The following ADARB2 variants were observed in gnomAD, a reference collection of about 807,000 sequenced individuals.
ADARB2 encodes the protein adenosine deaminase RNA specific B2 (inactive).
Under a neutral mutation model 62.2 loss-of-function variants are expected in ADARB2, and 25 were observed. The ratio of observed to expected loss-of-function variants is 0.40; its 90% CI spans 0.29 to 0.56. The LOEUF is 0.56. ADARB2 is among the 20% of genes least tolerant of loss of function. ADARB2 has a pLI of 0.43. For missense variants in ADARB2, 1,071 were observed against 1,077.4 expected (o/e 0.99, Z 0.08); for synonymous variants, 572 against 500.8 (o/e 1.14, Z -1.90).
intron 2 of ADARB2, among the ~76,000 whole-genome samples, chr10:1,368,105 GCC>G (rs1832329048): frequency 2.6e-5 from 4 of 152,192 alleles, no homozygotes; most frequent in African/African-American, 9.6e-5. Flanking sequence ...AGAGGCCACA[GCC>G]CAGCGGTGGC....
chr10:1,549,691 A>C (rs1269270161), intron 1 of ADARB2, among the ~76,000 whole-genome samples: 1 of 152,166 alleles, frequency 6.6e-6, no homozygotes, highest in East Asian at 1.9e-4. Context: ...AGAGTTGGCC[A>C]AACCCATTGT....
chr10:1,586,089 C>A (rs1833177203), intron 1 of ADARB2, among the ~76,000 whole-genome samples: 1 of 152,156 alleles, frequency 6.6e-6, no homozygotes, highest in South Asian at 2.1e-4. Flanking sequence ...TGTGACCTGA[C>A]CACCTTGGGC....
chr10:1,243,246 G>C (rs546948614), intron 4 of ADARB2, among the ~76,000 whole-genome samples: 1 of 152,366 alleles, frequency 6.6e-6, no homozygotes, highest in Non-Finnish European at 1.5e-5. Flanking sequence ...GGCTGGGCCC[G>C]GATCGCAGGC....
At chr10:1,211,464 G>T (rs1425068761) in intron 7 of ADARB2, among the ~76,000 whole-genome samples, 1 of 152,154 alleles carries the variant, frequency 6.6e-6, no homozygotes, top group Non-Finnish European at 1.5e-5. Context: ...AATGCATGAC[G>T]TGGAATGAGA....
intron 1 of ADARB2, among the ~76,000 whole-genome samples, chr10:1,452,787 C>G (rs1588263204): frequency 1.4e-5 from 2 of 147,026 alleles, no homozygotes; most frequent in South Asian, 4.4e-4. Context: ...TACCCCAGAA[C>G]TTAAAGTATA....
At chr10:1,295,355 A>G (rs921900580) in intron 3 of ADARB2, among the ~76,000 whole-genome samples, 2 of 152,196 alleles carry the variant, frequency 1.3e-5, no homozygotes, top group Non-Finnish European at 2.9e-5. Flanking sequence ...CTGGGGTTAC[A>G]GGTATTTACA....
chr10:1,510,156 C>CTTTCTT (rs1554767658), intron 1 of ADARB2, among the ~76,000 whole-genome samples: 42 of 109,156 alleles, frequency 3.8e-4, no homozygotes, highest in African/African-American at 1.3e-3. Context: ...TTCTTTCTTT[C>CTTTCTT]TTTCTTTCTT....
At chr10:1,268,098 T>C (rs1422472625) in intron 4 of ADARB2, among the ~76,000 whole-genome samples, 1 of 152,160 alleles carries the variant, frequency 6.6e-6, no homozygotes, top group African/African-American at 2.4e-5. Flanking sequence ...TTATCTATAA[T>C]TGCACATTAC....
intron 3 of ADARB2, among the ~76,000 whole-genome samples, chr10:1,278,672 C>T (rs2131803749): frequency 6.6e-6 from 1 of 152,088 alleles, no homozygotes; most frequent in East Asian, 1.9e-4. Flanking sequence ...CTCTAAAACT[C>T]CTTCCTAGGC....
intron 1 of ADARB2, among the ~76,000 whole-genome samples, chr10:1,388,494 A>T (rs897120680): frequency 6.6e-6 from 1 of 152,204 alleles, no homozygotes; most frequent in Non-Finnish European, 1.5e-5. Context: ...GAAAACAACT[A>T]CCAGAAATAA....
At chr10:1,694,806 G>T (rs2119131084) in intron 1 of ADARB2, among the ~76,000 whole-genome samples, 1 of 152,318 alleles carries the variant, frequency 6.6e-6, no homozygotes, top group East Asian at 1.9e-4. Flanking sequence ...GAGGGTTATG[G>T]GGTTAGGATG....
intron 3 of ADARB2, among the ~76,000 whole-genome samples, chr10:1,325,042 AG>A (rs2131829248): frequency 6.6e-6 from 1 of 152,302 alleles, no homozygotes; most frequent in South Asian, 2.1e-4. Flanking sequence ...CAGAACTAAA[AG>A]CTTAAACATG....
chr10:1,631,495 T>C (rs1357315724), intron 1 of ADARB2, among the ~76,000 whole-genome samples: 1 of 152,204 alleles, frequency 6.6e-6, no homozygotes. Flanking sequence ...AAAAATATGC[T>C]TAACAGGAAA....
intron 1 of ADARB2, among the ~76,000 whole-genome samples, chr10:1,394,035 A>G (rs1832591667): frequency 6.6e-6 from 1 of 152,144 alleles, no homozygotes; most frequent in Non-Finnish European, 1.5e-5. Context: ...ACTCTGCCTT[A>G]GGGTGTAATC....
At chr10:1,267,166 C>T (rs1564241185) in intron 4 of ADARB2, among the ~76,000 whole-genome samples, 1 of 151,504 alleles carries the variant, frequency 6.6e-6, no homozygotes, top group South Asian at 2.1e-4. Flanking sequence ...TTCCCCCTCC[C>T]GGGTAGGTGT....
At chr10:1,637,381 C>A (rs1436872240) in intron 1 of ADARB2, among the ~76,000 whole-genome samples, 2 of 152,154 alleles carry the variant, frequency 1.3e-5, no homozygotes, top group South Asian at 2.1e-4. Context: ...ACATAGCAAT[C>A]CCCAAATCTT....
intron 4 of ADARB2, among the ~76,000 whole-genome samples, chr10:1,247,027 TCTC>T (rs1830992593): frequency 6.6e-6 from 1 of 152,136 alleles, no homozygotes; most frequent in Non-Finnish European, 1.5e-5. Flanking sequence ...GGTTTGTAGT[TCTC>T]CTTGAAGAGG....
intron 1 of ADARB2, among the ~76,000 whole-genome samples, chr10:1,560,268 A>T (rs1022852402): frequency 2.6e-5 from 4 of 152,212 alleles, no homozygotes; most frequent in Non-Finnish European, 5.9e-5. Context: ...TCCTGCCAAG[A>T]GGTCAGGAGT....
intron 3 of ADARB2, among the ~76,000 whole-genome samples, chr10:1,273,305 C>T (rs756293062): frequency 2.0e-5 from 3 of 152,258 alleles, no homozygotes; most frequent in South Asian, 2.1e-4. Flanking sequence ...CTGCTGCCCA[C>T]GCTGGAGTGC....
Sources: gnomAD v4.1 joint callset for allele counts (sites outside exome capture counted in the v4.1 genomes callset) on GRCh38, gnomAD v4.1.1 for gene constraint, MANE v1.5 for transcripts, NCBI Gene and HGNC (gene_info 2026-07-23, HGNC 2026-07-21) for gene names.